Variants in CHLSN observed in about 807,000 individuals in gnomAD.
CHLSN encodes the protein protein cholesin.
the CHLSN span, among the ~76,000 whole-genome samples, chr7:1,076,638 C>T: frequency 6.6e-6 from 1 of 152,272 alleles, no homozygotes; most frequent in Admixed American, 6.5e-5. Flanking sequence ...AGGGCTGGCC[C>T]TGGGAAAAGC....
At chr7:1,112,780 T>G in the CHLSN span, among the ~76,000 whole-genome samples, 1 of 151,684 alleles carries the variant, frequency 6.6e-6, no homozygotes, top group African/African-American at 2.4e-5. Context: ...TCAGCTGTGC[T>G]TGCAGTGCGA....
chr7:1,028,570 C>T, the CHLSN span: 1 of 985,104 alleles, frequency 1.0e-6, no homozygotes, highest in Non-Finnish European at 1.2e-6. Context: ...GTCTCCGGTC[C>T]ACCTGCGCGA....
the CHLSN span, among the ~76,000 whole-genome samples, chr7:1,052,114 C>T: frequency 5.9e-5 from 9 of 152,278 alleles, no homozygotes; most frequent in Non-Finnish European, 1.3e-4. This position sits in a 1 kb window ranked among gnomAD's most constrained non-coding sequence, Gnocchi z 4.2. Flanking sequence ...CCAGCTCCTT[C>T]CACCTTCCCA....
At chr7:1,045,217 A>C in the CHLSN span, 1 of 152,254 alleles carries the variant, frequency 6.6e-6, no homozygotes, top group Non-Finnish European at 1.5e-5. Flanking sequence ...AAACCTGGCA[A>C]GTCAGTTCTC....
the CHLSN span, among the ~76,000 whole-genome samples, chr7:1,010,959 C>A: frequency 0.014 from 2,164 of 152,074 alleles, 110 homozygotes; most frequent in East Asian, 0.19. Context: ...CCACCGGGAG[C>A]TTCCAGGAAG....
At chr7:1,058,231 T>C in the CHLSN span, 2 of 761,946 alleles carry the variant, frequency 2.6e-6, no homozygotes, top group Non-Finnish European at 4.8e-6. Context: ...GTGGCCACCG[T>C]GTGCACGCAG....
At chr7:997,651 G>C in the CHLSN span, 6 of 1,608,524 alleles carry the variant, frequency 3.7e-6, no homozygotes, top group Non-Finnish European at 5.1e-6. Flanking sequence ...AGCACCTGTC[G>C]GATGCGCTGG....
At chr7:1,115,020 C>T in the CHLSN span, among the ~76,000 whole-genome samples, 9 of 152,226 alleles carry the variant, frequency 5.9e-5, no homozygotes, top group African/African-American at 1.7e-4. Flanking sequence ...CCTGTTTCGC[C>T]TTTGTGGATA....
chr7:1,124,539 AG>A, the CHLSN span, among the ~76,000 whole-genome samples: 1 of 120,910 alleles, frequency 8.3e-6, no homozygotes, highest in Non-Finnish European at 1.6e-5. Flanking sequence ...GCTGTGAAGA[AG>A]GAGTGAGTAA....
chr7:988,739 C>G, the CHLSN span: 63 of 1,599,356 alleles, frequency 3.9e-5, no homozygotes, highest in Non-Finnish European at 5.3e-5. Flanking sequence ...TGGCGTCAGT[C>G]CGGCCTCCCT....
the CHLSN span, among the ~76,000 whole-genome samples, chr7:1,068,635 C>T: frequency 1.3e-5 from 2 of 152,078 alleles, no homozygotes; most frequent in African/African-American, 4.8e-5. Context: ...TCGGCCTCCC[C>T]ATCCCCAGTC....
the CHLSN span, among the ~76,000 whole-genome samples, chr7:985,725 G>A: frequency 1.3e-5 from 2 of 152,216 alleles, no homozygotes; most frequent in Admixed American, 1.3e-4. Flanking sequence ...CCCCTCTGAT[G>A]TTTGGAACTC....
At chr7:1,001,484 T>TGG in the CHLSN span, among the ~76,000 whole-genome samples, 2 of 93,374 alleles carry the variant, frequency 2.1e-5, no homozygotes, top group Non-Finnish European at 4.2e-5. Flanking sequence ...TGTGGGTGAG[T>TGG]GGAGTCCTGC....
At chr7:1,009,830 G>A in the CHLSN span, 4 of 886,016 alleles carry the variant, frequency 4.5e-6, no homozygotes, top group African/African-American at 3.4e-5. Context: ...TGGCATGAAC[G>A]CTCATACCTC....
the CHLSN span, among the ~76,000 whole-genome samples, chr7:1,016,115 A>G: frequency 2.0e-3 from 122 of 61,776 alleles, 1 homozygote; most frequent in African/African-American, 2.9e-3. Flanking sequence ...AGCAGCGCAC[A>G]GCAGCACACA....
At chr7:1,016,172 C>T in the CHLSN span, among the ~76,000 whole-genome samples, 2 of 92,596 alleles carry the variant, frequency 2.2e-5, no homozygotes, top group African/African-American at 6.6e-5. Flanking sequence ...CACAGCAGCA[C>T]ACAGCAGCAC....
At chr7:1,117,397 C>T in the CHLSN span, among the ~76,000 whole-genome samples, 10 of 82,594 alleles carry the variant, frequency 1.2e-4, no homozygotes, top group African/African-American at 2.3e-4. Context: ...CCAACGCCCA[C>T]GCAGGATGAC....
At chr7:1,117,484 C>G in the CHLSN span, among the ~76,000 whole-genome samples, 1 of 138,224 alleles carries the variant, frequency 7.2e-6, no homozygotes, top group Non-Finnish European at 1.5e-5. Flanking sequence ...TTCTACGGAC[C>G]GGCTTCCATC....
At chr7:1,103,008 G>A in the CHLSN span, among the ~76,000 whole-genome samples, 2 of 152,190 alleles carry the variant, frequency 1.3e-5, no homozygotes, top group African/African-American at 4.8e-5. Context: ...TCTAGACCCC[G>A]ACCCCTTACC....
Sources: allele counts gnomAD v4.1 joint callset (sites outside exome capture counted in the v4.1 genomes callset), GRCh38; gene constraint gnomAD v4.1.1; non-coding constraint Gnocchi (gnomAD v3.1); transcripts MANE v1.5; gene names NCBI Gene and HGNC (gene_info 2026-07-23, HGNC 2026-07-21).